HOMER1: variants seen among roughly 807,000 people sequenced by gnomAD.
HOMER1 encodes the protein homer protein homolog 1.
A neutral mutation model predicts 48.9 loss-of-function variants in HOMER1; 3 were observed. That is an observed-to-expected ratio of 0.06 (90% CI 0.03 to 0.16). The LOEUF is 0.16. HOMER1 is among the 10% of genes least tolerant of loss of function. The probability of loss-of-function intolerance (pLI) is 1.00; values close to 1 mark genes in which losing one functional copy is unlikely to be tolerated. For synonymous variants in HOMER1, 134 were observed against 146.4 expected, an observed-to-expected ratio of 0.92 and a Z score of 0.61; for missense variants, 247 against 411.4, an observed-to-expected ratio of 0.60 and a Z score of 3.46.
intron 1 of HOMER1, among the ~76,000 whole-genome samples, chr5:79,469,059 C>T (rs1318556785): frequency 6.6e-6 from 1 of 152,086 alleles, no homozygotes; most frequent in African/African-American, 2.4e-5. Context: ...TCTCATATAT[C>T]CAATTCTAAC....
intron 5 of HOMER1, among the ~76,000 whole-genome samples, chr5:79,423,476 C>T (rs753005381): frequency 6.6e-6 from 1 of 152,076 alleles, no homozygotes; most frequent in Non-Finnish European, 1.5e-5. Flanking sequence ...ATCCATGGTG[C>T]CATCTGGAAG....
At chr5:79,423,778 C>G (rs1265841813) in intron 5 of HOMER1, among the ~76,000 whole-genome samples, 1 of 152,028 alleles carries the variant, frequency 6.6e-6, no homozygotes, top group Admixed American at 6.6e-5. Flanking sequence ...CACCTGACCA[C>G]CCCTTTTACT....
intron 8 of HOMER1, 86 bp downstream of exon 8, chr5:79,396,737 T>TG: frequency 3.1e-6 from 2 of 644,642 alleles, no homozygotes; most frequent in Non-Finnish European, 5.3e-6. Flanking sequence ...ACCTACAAAA[T>TG]GGAGTCTCAG....
intron 8 of HOMER1, 41 bp downstream of exon 8, chr5:79,396,781 CT>C: frequency 8.3e-7 from 1 of 1,197,614 alleles, no homozygotes; most frequent in Non-Finnish European, 1.2e-6. Context: ...AAAATGATGC[CT>C]TTCTATGCAG....
chr5:79,470,718 C>T (rs1008436285), intron 1 of HOMER1, among the ~76,000 whole-genome samples: 14 of 151,992 alleles, frequency 9.2e-5, no homozygotes, highest in Non-Finnish European at 5.9e-5. Flanking sequence ...CTTAAGGAAA[C>T]CTGACACTTT....
chr5:79,384,881 TGAAG>T (rs1178860022), intron 8 of HOMER1, among the ~76,000 whole-genome samples: 1 of 151,762 alleles, frequency 6.6e-6, no homozygotes, highest in African/African-American at 2.4e-5. Context: ...ATCAACAGAA[TGAAG>T]GAAAAAAATA....
chr5:79,493,580 C>T (rs933141638), intron 1 of HOMER1, among the ~76,000 whole-genome samples: 4 of 152,176 alleles, frequency 2.6e-5, no homozygotes, highest in African/African-American at 9.7e-5. Context: ...AAGGAATTCC[C>T]TCAGTCTCCT....
intron 3 of HOMER1, among the ~76,000 whole-genome samples, chr5:79,449,261 C>G (rs1384295189): frequency 6.6e-6 from 1 of 151,752 alleles, no homozygotes; most frequent in Non-Finnish European, 1.5e-5. Context: ...AAAAAAAACA[C>G]AAAGTTCTAA....
In HOMER1 at chr5:79,505,910, T is replaced by C. The variant is rs184711382; in HGVS notation, c.5+6860A>G. 2.6e-5 allele frequency among the ~76,000 whole-genome samples: 4 copies of C among 152,302 alleles called. No individual in the cohort carries two copies. The East Asian group carries it at 5.8e-4, about 22-fold the overall frequency. Reference sequence around the variant, plus strand: ...CTAAGTCAAATGTTAGTTCTATGTATAAAATTATTTTAGCTACGCAAGAGC... The same window carrying C: ...CTAAGTCAAATGTTAGTTCTATGTACAAAATTATTTTAGCTACGCAAGAGC... On this transcript the variant is annotated intron_variant, in intron 1 of 8. Coordinates refer to ENST00000334082, the MANE Select transcript of HOMER1 (RefSeq NM_004272.5).
chr5:79,488,182 C>T (rs1752172353), intron 1 of HOMER1, among the ~76,000 whole-genome samples: 1 of 152,176 alleles, frequency 6.6e-6, no homozygotes, highest in Admixed American at 6.5e-5. Context: ...TTGCTGTCTG[C>T]TTTTAAGAAC....
rs569918998 is a variant in HOMER1, at chr5:79,382,955, G to GT, written c.877-6759dup. On this transcript the variant is annotated intron_variant, in intron 8 of 8. Transcript: ENST00000334082. ...ATATAGACTGGCTGAATGGATTACA[G>GT]TTATGACCAACTGTATGCTGCTTAC... is the stretch of plus-strand genomic sequence containing the variant. Among the ~76,000 whole-genome samples the GT allele has an allele frequency of 1.1e-3, 170 of 152,284 alleles. 1 individual carries two copies. The highest frequency in any genetic ancestry group is 2.5e-3 in the African/African-American group (105 of 41,554).
chr5:79,430,641 G>A (rs1334677417), intron 5 of HOMER1, among the ~76,000 whole-genome samples: 1 of 152,146 alleles, frequency 6.6e-6, no homozygotes, highest in Non-Finnish European at 1.5e-5. Context: ...CTGATGGATG[G>A]ATAAATAAAA....
chr5:79,430,921 C>CA (rs1193260185), intron 5 of HOMER1, among the ~76,000 whole-genome samples: 4 of 146,732 alleles, frequency 2.7e-5, no homozygotes, highest in South Asian at 2.1e-4. Flanking sequence ...GACTCTGTCT[C>CA]AAAAAAATAA....
chr5:79,439,856 C>T (rs1049853697), intron 4 of HOMER1, among the ~76,000 whole-genome samples: 3 of 152,184 alleles, frequency 2.0e-5, no homozygotes, highest in Non-Finnish European at 2.9e-5. Context: ...AAATTTATGT[C>T]ATTTTAAATA....
At chr5:79,455,576 A>G (rs1751152154) in intron 2 of HOMER1, among the ~76,000 whole-genome samples, 1 of 152,272 alleles carries the variant, frequency 6.6e-6, no homozygotes. Flanking sequence ...TTCCTTTATA[A>G]ATTACCCAGT....
chr5:79,422,096 G>A (rs1305560603), intron 5 of HOMER1, among the ~76,000 whole-genome samples: 1 of 151,942 alleles, frequency 6.6e-6, no homozygotes, highest in African/African-American at 2.4e-5. Flanking sequence ...GCATGGTGGT[G>A]CACGTCTTTA....
chr5:79,451,608 C>T (rs1751030356), intron 2 of HOMER1, among the ~76,000 whole-genome samples: 1 of 139,746 alleles, frequency 7.2e-6, no homozygotes, highest in Non-Finnish European at 1.5e-5. Flanking sequence ...CTCTGTCGCC[C>T]AGGCTGGAGT....
intron 5 of HOMER1, among the ~76,000 whole-genome samples, chr5:79,415,766 T>G (rs1749927695): frequency 2.0e-5 from 3 of 152,228 alleles, no homozygotes. Context: ...ATTTCTGAGT[T>G]TCGAAGAATT....
chr5:79,391,169 G>C (rs982626369), intron 8 of HOMER1, among the ~76,000 whole-genome samples: 1 of 137,006 alleles, frequency 7.3e-6, no homozygotes, highest in Non-Finnish European at 1.5e-5. Context: ...GATAGGTCTT[G>C]TTCTGTCTCC....
Sources: allele counts gnomAD v4.1 joint callset (sites outside exome capture counted in the v4.1 genomes callset), GRCh38; gene constraint gnomAD v4.1.1; transcripts MANE v1.5; gene names NCBI Gene and HGNC (gene_info 2026-07-23, HGNC 2026-07-21).